TAP1: variants seen among roughly 807,000 people sequenced by gnomAD.
TAP1 encodes the protein antigen peptide transporter 1.
A neutral mutation model predicts 79.3 loss-of-function variants in TAP1; 56 were observed. That is an observed-to-expected ratio of 0.71 (90% CI 0.57 to 0.88). The LOEUF is 0.88. Among genes scored for constraint, TAP1 ranks in the 40% least tolerant of loss-of-function variants. The pLI is 0.00. For missense variants in TAP1, 737 were observed against 936.3 expected (o/e 0.79, Z 2.78); for synonymous variants, 355 against 401.4 (o/e 0.88, Z 1.38).
Position 32,845,302 on chromosome 6 carries a change from C to T in TAP1, c.*277G>A. 1.7e-6 allele frequency: 1 copy of T among 576,006 alleles called. No individual in the cohort carries two copies. The highest frequency in any genetic ancestry group is 3.1e-6 in the Non-Finnish European group (1 of 322,542). 35.7% of individuals were successfully genotyped at this position (576,006 alleles called of 1,614,324 possible). ...AGTTATGTTGAAAATAGCTGATCAT[C>T]TTTCCGTACATTCTGAACATTTCTC... On this transcript the variant is annotated 3_prime_UTR_variant, in exon 11 of 11. Coordinates refer to ENST00000354258, the MANE Select transcript of TAP1 (RefSeq NM_000593.6). This position sits in a 1 kb window ranked among gnomAD's most constrained non-coding sequence, Gnocchi z 4.5.
Position 32,851,157 on chromosome 6 carries a change from G to A in TAP1, c.845-8C>T. ...CCCGAGACATGATGTTACCTGCAGG[G>A]TTGGGGAGAAGAGAGTGAGGTGAAT... is the stretch of plus-strand genomic sequence containing the variant. On this transcript the variant is annotated splice_region_variant and splice_polypyrimidine_tract_variant and intron_variant, in intron 3 of 10. Transcript: ENST00000354258. This position sits in a 1 kb window ranked among gnomAD's most constrained non-coding sequence, Gnocchi z 4.8. The A allele has an allele frequency of 1.2e-6, 2 of 1,612,780 alleles. No homozygotes were observed.
chr6:32,853,617 G>A lies in TAP1; in HGVS notation c.20C>T (p.Pro7Leu). The A allele has an allele frequency of 6.2e-7, 1 of 1,612,146 alleles. No individual in the cohort carries two copies. Among genetic ancestry groups the A allele is most frequent in the African/African-American group, 1.3e-5 (1 of 75,034 alleles). Residue 7 changes from proline to leucine, a missense_variant, in exon 1 of 11, where the codon CCC (proline) becomes CTC (leucine). Around this residue, in one of 5 missense-constraint regions of TAP1, gnomAD observed 45 missense variants for 60.2 expected, o/e 0.75. Transcript: ENST00000354258. The surrounding 1 kb of genome is among the most constrained non-coding windows in gnomAD (Gnocchi z 8.3). MASSRC[P>L]APRGCRCLPG... ...GAGGCAGCGGCACCCGCGGGGAGCG[G>A]GACACCTAGAGCTAGCCATTGGCAC...
Position 32,845,710 on chromosome 6 carries a change from C to A in TAP1, c.2116G>T (p.Val706Leu). The A allele has an allele frequency of 6.2e-7, 1 of 1,613,040 alleles. No individual in the cohort carries two copies. Among genetic ancestry groups the A allele is most frequent in the Non-Finnish European group, 8.5e-7 (1 of 1,179,986 alleles). Residue 706 changes from valine (V) to leucine (L), a missense_variant, in exon 11 of 11, where the codon GTG becomes TTG. Physicochemically the swap from Val to Leu is conservative, Grantham distance 32 (BLOSUM62 1). Coordinates refer to ENST00000354258, the MANE Select transcript of TAP1 (RefSeq NM_000593.6). The surrounding 1 kb of genome is among the most constrained non-coding windows in gnomAD (Gnocchi z 4.5). ...AAGAGGATGTGGTCAGCCTGCTCCA[C>A]CAGGCTGAGGTGCTGGGTGATGAGA... ...VLLITQHLSL[V>L]EQADHILFLE...
Position 32,845,657 on chromosome 6 carries a change from C to T in TAP1, c.2169G>A (p.Gly723=). The T allele has an allele frequency of 1.2e-6, 2 of 1,613,056 alleles. No individual in the cohort carries two copies. The highest frequency in any genetic ancestry group is 1.1e-5 in the South Asian group (1 of 91,082). ...LFLEGGAIRE[G]GTHQQLMEKK... ...TCTCCATGAGCTGCTGGTGGGTTCCCCCCTCCCGGATAGCGCCTCCTTCCA... is the reference window on the plus strand; with the variant it reads ...TCTCCATGAGCTGCTGGTGGGTTCCTCCCTCCCGGATAGCGCCTCCTTCCA... Residue 723 remains glycine (G), a synonymous_variant, in exon 11 of 11, where the codon GGG becomes GGA. Coordinates refer to ENST00000354258, the MANE Select transcript of TAP1 (RefSeq NM_000593.6). The surrounding 1 kb of genome is among the most constrained non-coding windows in gnomAD (Gnocchi z 4.5).
Position 32,851,697 on chromosome 6 carries a change from T to G in TAP1, c.844+412A>C, listed in dbSNP as rs991537154. ...ATATGTAACTGTGCAGTTTCAGCAT[T>G]TAGGGTCTTGGCCTCAGTTTCCTTC... On this transcript the variant is annotated intron_variant, in intron 3 of 10. Transcript: ENST00000354258. The surrounding 1 kb of genome is among the most constrained non-coding windows in gnomAD (Gnocchi z 4.8). 1.3e-5 allele frequency among the ~76,000 whole-genome samples: 2 copies of G among 152,164 alleles called. No homozygotes were observed. The highest frequency in any genetic ancestry group is 2.9e-5 in the Non-Finnish European group (2 of 68,032).
Position 32,852,922 on chromosome 6 carries a change from G to T in TAP1, c.598+117C>A. 6.8e-7 allele frequency: 1 copy of T among 1,480,274 alleles called. No homozygotes were observed. Among genetic ancestry groups the T allele is most frequent in the Non-Finnish European group, 9.0e-7 (1 of 1,112,204 alleles). 91.7% of individuals were successfully genotyped at this position (1,480,274 alleles called of 1,614,324 possible). On this transcript the variant is annotated intron_variant, in intron 1 of 10. Coordinates refer to ENST00000354258, the MANE Select transcript of TAP1 (RefSeq NM_000593.6). The surrounding 1 kb of genome is among the most constrained non-coding windows in gnomAD (Gnocchi z 4.8). Reference sequence around the variant, plus strand: ...TGGTGTTCCAAGACCCACGCTAGGAGTCCTTCTCCTGCTCCACATTTCCCA... The same window carrying T: ...TGGTGTTCCAAGACCCACGCTAGGATTCCTTCTCCTGCTCCACATTTCCCA...
rs1459224912 is a variant in TAP1, at chr6:32,847,192, G to A, written c.1916C>T (p.Ala639Val). ...CTGACCCCCTGACAGCTGGCTCCCA[G>A]CCTCGTCTACCTCTGCAGAGCAAAG... The part of the protein sequence containing the change: ...PQGYDTEVDE[A>V]GSQLSGGQRQ... Residue 639 changes from alanine (A) to valine (V), a missense_variant, in exon 10 of 11, where the codon GCT (alanine) becomes GTT (valine). Coordinates refer to ENST00000354258, the MANE Select transcript of TAP1 (RefSeq NM_000593.6). This position sits in a 1 kb window ranked among gnomAD's most constrained non-coding sequence, Gnocchi z 4.7. 8 of 1,611,948 alleles carry A rather than the reference G, an allele frequency of 5.0e-6. No homozygotes were observed. In the East Asian group the frequency reaches 1.8e-4, roughly 36 times the overall value.
At chr6:32,849,271 C>G in intron 5 of TAP1, 153 bp from the exon 6 acceptor site, 3 of 865,330 alleles carry the variant, frequency 3.5e-6, no homozygotes, top group Admixed American at 2.1e-5. Flanking sequence ...AACCAGAGAC[C>G]CCATGGAGTC....
In TAP1 at chr6:32,853,103, G is replaced by A. The variant is rs1347289057; in HGVS notation, c.534C>T (p.Gly178=). ...GSGNPVRRLL[G]CLGSETRRLS... The stretch of plus-strand genomic sequence containing the variant: ...GGCGGCGCGTCTCCGAGCCCAGGCA[G>A]CCTAGAAGCCGACGCACAGGGTTTC... The change falls in exon 1 of 11, where the codon GGC becomes GGT. Residue 178 remains glycine (G), a synonymous_variant. Transcript: ENST00000354258. The surrounding 1 kb of genome is among the most constrained non-coding windows in gnomAD (Gnocchi z 8.3). 2 of 1,612,616 alleles carry A rather than the reference G, an allele frequency of 1.2e-6. No individual in the cohort carries two copies. The highest frequency in any genetic ancestry group is 1.7e-6 in the Non-Finnish European group (2 of 1,179,976).
In TAP1 at chr6:32,847,197, G is replaced by A. The variant is rs113253113; in HGVS notation, c.1911C>T (p.Asp637=). 2.0e-5 allele frequency: 33 copies of A among 1,611,886 alleles called. No homozygotes were observed. Among genetic ancestry groups the A allele is most frequent in the Admixed American group, 5.0e-5 (3 of 60,018 alleles). ...GLPQGYDTEV[D]EAGSQLSGGQ... is the part of the protein sequence containing the mutation. ...CCCCTGACAGCTGGCTCCCAGCCTC[G>A]TCTACCTCTGCAGAGCAAAGGGCCA... The change falls in exon 10 of 11, where the codon GAC becomes GAT. Residue 637 remains aspartate, a synonymous_variant. Transcript: ENST00000354258. The surrounding 1 kb of genome is among the most constrained non-coding windows in gnomAD (Gnocchi z 4.7).
intron 7 of TAP1, 76 bp from the exon 8 acceptor site, chr6:32,848,168 G>A: frequency 2.6e-6 from 4 of 1,517,110 alleles, no homozygotes; most frequent in African/African-American, 2.8e-5. Context: ...TTGTTACATA[G>A]CATGATGTCT....
At chr6:32,849,879 G>A (rs1425492847) in intron 5 of TAP1, 1 of 214,766 alleles carries the variant, frequency 4.7e-6, no homozygotes, top group Non-Finnish European at 9.5e-6. Flanking sequence ...ATCAAGCCAG[G>A]ATCTTCGGAT....
In TAP1 at chr6:32,847,296, A is replaced by G; in HGVS notation, c.1904-92T>C. ...GACACACTCATGCATTCACGCACTC[A>G]CACACACCAAGATCTGACGGTTGTA... On this transcript the variant is annotated intron_variant, in intron 9 of 10. Coordinates refer to ENST00000354258, the MANE Select transcript of TAP1 (RefSeq NM_000593.6). This position sits in a 1 kb window ranked among gnomAD's most constrained non-coding sequence, Gnocchi z 4.7. 1 of 1,571,672 alleles carries G rather than the reference A, an allele frequency of 6.4e-7. No individual in the cohort carries two copies. The highest frequency in any genetic ancestry group is 8.7e-7 in the Non-Finnish European group (1 of 1,153,342).
At position 32,848,978 on chromosome 6, in the gene TAP1, G is replaced by A. The variant is rs758083180; in HGVS notation, c.1377+12C>T. On this transcript the variant is annotated intron_variant, in intron 6 of 10. Transcript: ENST00000354258. ...GGAATCACACTGGGGAGTGAAGGTG[G>A]AGGGACCTCACCTCCACAGCCTGGG... The A allele has an allele frequency of 1.9e-6, 3 of 1,612,814 alleles. No individual in the cohort carries two copies. The South Asian group carries it at 3.3e-5, about 18-fold the overall frequency.
rs937489759 is a variant in TAP1 at position 32,845,376 on chromosome 6, C to G, written c.*203G>C. The G allele has an allele frequency of 2.9e-5, 19 of 650,014 alleles. No individual in the cohort carries two copies. Among genetic ancestry groups the G allele is most frequent in the Non-Finnish European group, 5.0e-5 (18 of 363,368 alleles). The allele number at this position is 650,014 out of a possible 1,614,324, so 40.3% of individuals were successfully genotyped here. On this transcript the variant is annotated 3_prime_UTR_variant, in exon 11 of 11. Coordinates refer to ENST00000354258, the MANE Select transcript of TAP1 (RefSeq NM_000593.6). This position sits in a 1 kb window ranked among gnomAD's most constrained non-coding sequence, Gnocchi z 4.5. ...AAAGCATCAGCCCTGGCTCTAAACT[C>G]CGTTACAGTAAGGAATTACAAATCC...
intron 6 of TAP1, 65 bp from the exon 7 acceptor site, chr6:32,848,905 G>T: frequency 6.2e-7 from 1 of 1,612,794 alleles, no homozygotes. Context: ...GAAGCAAGAA[G>T]GGTAAAGAAT....
In TAP1 at chr6:32,847,936, G is replaced by T. The variant is rs1168560265; in HGVS notation, c.1723C>A (p.Arg575Ser). 6.2e-7 allele frequency: 1 copy of T among 1,613,060 alleles called. No individual in the cohort carries two copies. The highest frequency in any genetic ancestry group is 1.1e-5 in the South Asian group (1 of 91,088). Reference protein sequence around the residue: ...DGKPLPQYEHRYLHRQVAAVG... With the variant: ...DGKPLPQYEHSYLHRQVAAVG... ...TTCCATACCTGCCTGTGCAGGTAGC[G>T]GTGCTCATATTGGGGAAGGGGCTTC... Residue 575 changes from arginine to serine, a missense_variant, in exon 8 of 11, where the codon CGC becomes AGC. By Grantham distance (110) the Arg-to-Ser change is moderately radical (BLOSUM62 -1). Transcript: ENST00000354258. This position sits in a 1 kb window ranked among gnomAD's most constrained non-coding sequence, Gnocchi z 4.7.
Position 32,848,986 on chromosome 6 carries a change from T to A in TAP1, c.1377+4A>T. 1 of 1,612,594 alleles carries A rather than the reference T, an allele frequency of 6.2e-7. No homozygotes were observed. Among genetic ancestry groups the A allele is most frequent in the Non-Finnish European group, 8.5e-7 (1 of 1,179,552 alleles). ...ACTGGGGAGTGAAGGTGGAGGGACC[T>A]CACCTCCACAGCCTGGGTGAACTGC... On this transcript the variant is annotated splice_donor_region_variant and intron_variant, in intron 6 of 10. Transcript: ENST00000354258.
chr6:32,852,126 A>G lies in TAP1; in HGVS notation c.827T>C (p.Phe276Ser). Residue 276 changes from phenylalanine to serine, a missense_variant, in exon 3 of 11, where the codon TTC becomes TCC. By Grantham distance (155) the Phe-to-Ser change is radical. Transcript: ENST00000354258. The surrounding 1 kb of genome is among the most constrained non-coding windows in gnomAD (Gnocchi z 4.8). ...GGAGAAACCTGTCTGGTTCTGTTGG[A>G]AAAACTCCGTCTCCTGGCGCAGGAC... ...GAVLRQETEF[F>S]QQNQTGNIMS... The G allele has an allele frequency of 6.2e-7, 1 of 1,613,030 alleles. No individual in the cohort carries two copies.
Sources: allele counts gnomAD v4.1 joint callset (sites outside exome capture counted in the v4.1 genomes callset), GRCh38; gene constraint gnomAD v4.1.1; regional missense constraint gnomAD v4.1.1; non-coding constraint Gnocchi (gnomAD v3.1); transcripts MANE v1.5; gene names NCBI Gene and HGNC (gene_info 2026-07-23, HGNC 2026-07-21).